DPYSL5: variants seen among roughly 807,000 people sequenced by gnomAD.
The protein encoded by DPYSL5 is dihydropyrimidinase like 5.
DPYSL5 carries 9 observed loss-of-function variants against 58.4 expected under a neutral mutation model. The ratio of observed to expected loss-of-function variants is 0.15; its 90% confidence interval spans 0.09 to 0.27. DPYSL5 has a LOEUF of 0.27. Among genes scored for constraint, DPYSL5 ranks in the 10% least tolerant of loss-of-function variants. The probability of loss-of-function intolerance (pLI) is 1.00; values close to 1 mark genes in which losing one functional copy is unlikely to be tolerated. For synonymous variants in DPYSL5, 293 were observed against 301.9 expected, an observed-to-expected ratio of 0.97 and a Z score of 0.31; for missense variants, 499 against 770.6, an observed-to-expected ratio of 0.65 and a Z score of 4.17.
chr2:26,899,398 G>C (rs140664600), intron 2 of DPYSL5, among the ~76,000 whole-genome samples: 1 of 152,306 alleles, frequency 6.6e-6, no homozygotes, highest in East Asian at 1.9e-4. Context: ...AAAGAGCCAT[G>C]AATGGGCTTT....
intron 2 of DPYSL5, among the ~76,000 whole-genome samples, chr2:26,901,024 A>C (rs983352097): frequency 3.3e-5 from 5 of 152,134 alleles, no homozygotes; most frequent in African/African-American, 1.2e-4. Context: ...GTCTTTATGC[A>C]AGGTGGTGAG....
At chr2:26,882,090 C>CA (rs752138649) in intron 1 of DPYSL5, among the ~76,000 whole-genome samples, 2,264 of 40,176 alleles carry the variant, frequency 0.056, 84 homozygotes, top group Non-Finnish European at 0.073. Flanking sequence ...GACTCCATCT[C>CA]AAAAAAAAAA....
rs373063162 is a variant in DPYSL5, at chr2:26,934,770, A to G, written c.947+36A>G. ...TCAGCAGCACATTGCAGGGATGTGT[A>G]CATCTTTAGGAAGACGTCATAGAGG... On this transcript the variant is annotated intron_variant, in intron 8 of 12. Transcript: ENST00000288699. The surrounding 1 kb of genome is among the most constrained non-coding windows in gnomAD (Gnocchi z 4.3). 17 of 1,610,948 alleles carry G rather than the reference A, an allele frequency of 1.1e-5. No homozygotes were observed. In the African/African-American group the frequency reaches 2.3e-4, roughly 22 times the overall value.
chr2:26,864,109 G>A (rs1052823942), intron 1 of DPYSL5, among the ~76,000 whole-genome samples: 1 of 152,180 alleles, frequency 6.6e-6, no homozygotes, highest in African/African-American at 2.4e-5. Context: ...GCCAAGTGTA[G>A]TGGTGCGCGC....
At chr2:26,856,925 T>C in intron 1 of DPYSL5, among the ~76,000 whole-genome samples, 1 of 147,902 alleles carries the variant, frequency 6.8e-6, no homozygotes, top group Middle Eastern at 3.6e-3. Context: ...ATGTAATAAA[T>C]ATTATATATG....
chr2:26,881,829 C>T (rs371918226), intron 1 of DPYSL5, among the ~76,000 whole-genome samples: 79 of 152,220 alleles, frequency 5.2e-4, no homozygotes, highest in African/African-American at 1.7e-3. Context: ...CGGTGGCTCA[C>T]ACCTGTAATC....
chr2:26,866,348 AT>A (rs1245332287), intron 1 of DPYSL5, among the ~76,000 whole-genome samples: 1 of 152,162 alleles, frequency 6.6e-6, no homozygotes, highest in Non-Finnish European at 1.5e-5. Context: ...AACAATACAT[AT>A]TCACTGTGGA....
chr2:26,868,514 T>G (rs565898588), intron 1 of DPYSL5, among the ~76,000 whole-genome samples: 1 of 152,206 alleles, frequency 6.6e-6, no homozygotes, highest in Non-Finnish European at 1.5e-5. Context: ...TTTTGATATA[T>G]GCTGTAAGGT....
Position 26,934,476 on chromosome 2 carries a change from T to A in DPYSL5, c.791-102T>A. On this transcript the variant is annotated intron_variant, in intron 7 of 12. Coordinates refer to ENST00000288699, the MANE Select transcript of DPYSL5 (RefSeq NM_020134.4). This position sits in a 1 kb window ranked among gnomAD's most constrained non-coding sequence, Gnocchi z 4.3. ...GTGAGCTTGGGCAGGTCCCTTCCTG[T>A]CTCTGACCTCAGCTCCTTCACCTGT... 7.0e-7 allele frequency: 1 copy of A among 1,429,180 alleles called. No individual in the cohort carries two copies. The allele number at this position is 1,429,180 out of a possible 1,614,324, so 88.5% of individuals were successfully genotyped here.
intron 1 of DPYSL5, among the ~76,000 whole-genome samples, chr2:26,861,155 G>C (rs1211054806): frequency 6.6e-6 from 1 of 152,166 alleles, no homozygotes; most frequent in Non-Finnish European, 1.5e-5. Flanking sequence ...GGGCTTTCAG[G>C]CTTACTGAAC....
Position 26,933,261 on chromosome 2 carries a change from C to T in DPYSL5, c.718C>T (p.His240Tyr). 3 of 1,614,118 alleles carry T rather than the reference C, an allele frequency of 1.9e-6. No homozygotes were observed. The highest frequency in any genetic ancestry group is 1.7e-6 in the Non-Finnish European group (2 of 1,179,936). ...TCCCACTGTTTCTTGTGTTTAGACTCACTGTCCAATCTACCTGGTCAACGT... is the reference window on the plus strand; with the variant it reads ...TCCCACTGTTTCTTGTGTTTAGACTTACTGTCCAATCTACCTGGTCAACGT... ...HRVITIANRT[H>Y]CPIYLVNVSS... The change falls in exon 7 of 13, where the codon CAC becomes TAC. Residue 240 changes from histidine (H) to tyrosine (Y), a missense_variant. Physicochemically the swap from His to Tyr is moderately conservative, Grantham distance 83 (BLOSUM62 2). This residue lies in a region of DPYSL5 where 404 missense variants were observed against 647.6 expected (regional missense o/e 0.62). Coordinates refer to ENST00000288699, the MANE Select transcript of DPYSL5 (RefSeq NM_020134.4). The surrounding 1 kb of genome is among the most constrained non-coding windows in gnomAD (Gnocchi z 4.2).
At chr2:26,920,187 T>A (rs202118193) in intron 2 of DPYSL5, among the ~76,000 whole-genome samples, 4 of 135,804 alleles carry the variant, frequency 2.9e-5, no homozygotes, top group Admixed American at 7.2e-5. Flanking sequence ...TTCTTTTTTT[T>A]TAAAAAAAAG....
chr2:26,857,319 C>T (rs1218358047), intron 1 of DPYSL5, among the ~76,000 whole-genome samples: 1 of 152,096 alleles, frequency 6.6e-6, no homozygotes, highest in Non-Finnish European at 1.5e-5. Context: ...GACAGATCAC[C>T]TGAGGTCAGG....
At chr2:26,902,230 T>C (rs1572697302) in intron 2 of DPYSL5, among the ~76,000 whole-genome samples, 1 of 151,938 alleles carries the variant, frequency 6.6e-6, no homozygotes, top group Non-Finnish European at 1.5e-5. Flanking sequence ...AGGACCAGAA[T>C]TTTAGTCTGG....
chr2:26,906,678 A>G (rs536204176), intron 2 of DPYSL5, among the ~76,000 whole-genome samples: 1 of 152,334 alleles, frequency 6.6e-6, no homozygotes, highest in East Asian at 1.9e-4. Context: ...AGGGAGTCAC[A>G]TGCAAAAACA....
At position 26,944,346 on chromosome 2, in the gene DPYSL5, G is replaced by A. The variant is rs911023411; in HGVS notation, c.1441-310G>A. Among the ~76,000 whole-genome samples, 1 of 152,146 alleles carries A rather than the reference G, an allele frequency of 6.6e-6. No homozygotes were observed. The highest frequency in any genetic ancestry group is 1.5e-5 in the Non-Finnish European group (1 of 68,024). ...TCCTCAGATGTCTACCTGCTACCTC[G>A]GTGAGGCTTCCATCAGTGTTGAGGG... On this transcript the variant is annotated intron_variant, in intron 11 of 12. Coordinates refer to ENST00000288699, the MANE Select transcript of DPYSL5 (RefSeq NM_020134.4). The surrounding 1 kb of genome is among the most constrained non-coding windows in gnomAD (Gnocchi z 4.4).
At chr2:26,916,155 C>T (rs556954734) in intron 2 of DPYSL5, among the ~76,000 whole-genome samples, 11 of 152,258 alleles carry the variant, frequency 7.2e-5, no homozygotes, top group Admixed American at 1.3e-4. Context: ...TTCACCTCCT[C>T]GTCTGTCATC....
rs1360679691 is a variant in DPYSL5 at position 26,927,637 on chromosome 2, T to C, written c.600+205T>C. On this transcript the variant is annotated intron_variant, in intron 4 of 12. Transcript: ENST00000288699. This position sits in a 1 kb window ranked among gnomAD's most constrained non-coding sequence, Gnocchi z 4.3. ...TCTGTAAAAAACAAATCTCTTTTTA[T>C]GGTTCAAAAAGGCTTCTAAGTCGTA... 6.6e-6 allele frequency among the ~76,000 whole-genome samples: 1 copy of C among 152,266 alleles called. No homozygotes were observed.
chr2:26,933,230 C>A lies in DPYSL5; in HGVS notation c.715-28C>A. The A allele has an allele frequency of 6.2e-7, 1 of 1,609,002 alleles. No homozygotes were observed. The highest frequency in any genetic ancestry group is 1.1e-5 in the South Asian group (1 of 90,980). On this transcript the variant is annotated intron_variant, in intron 6 of 12. Transcript: ENST00000288699. This position sits in a 1 kb window ranked among gnomAD's most constrained non-coding sequence, Gnocchi z 4.2. ...TTGTGAAGTTTATGGGTCAACCCTC[C>A]CTACTTCCCACTGTTTCTTGTGTTT...
Sources: gnomAD v4.1 joint callset for allele counts (sites outside exome capture counted in the v4.1 genomes callset) on GRCh38, gnomAD v4.1.1 for gene constraint, gnomAD v4.1.1 regional missense constraint, Gnocchi (gnomAD v3.1) non-coding constraint, MANE v1.5 for transcripts, NCBI Gene and HGNC (gene_info 2026-07-23, HGNC 2026-07-21) for gene names.